DSCAML1: variants seen among roughly 807,000 people sequenced by gnomAD.
DSCAML1 encodes cell adhesion molecule DSCAML1.
In DSCAML1, 38 loss-of-function variants were observed where a neutral mutation model predicts 200.5. That is an observed-to-expected ratio of 0.19 (90% CI 0.15 to 0.25). DSCAML1 has a LOEUF of 0.25. Among genes scored for constraint, DSCAML1 ranks in the 10% least tolerant of loss-of-function variants. The pLI, the probability that DSCAML1 is intolerant of heterozygous loss-of-function variation, is 1.00. For synonymous variants in DSCAML1, 1,215 were observed against 1,165.0 expected (o/e 1.04, Z -0.87); for missense variants, 2,223 against 2,858.8 (o/e 0.78, Z 5.07).
intron 3 of DSCAML1, among the ~76,000 whole-genome samples, chr11:117,679,399 C>A (rs2137690056): frequency 6.6e-6 from 1 of 152,320 alleles, no homozygotes; most frequent in East Asian, 1.9e-4. Flanking sequence ...CTCAGAAGGC[C>A]TGACAGACTG....
intron 3 of DSCAML1, among the ~76,000 whole-genome samples, chr11:117,673,148 C>T (rs768964980): frequency 5.3e-5 from 8 of 152,092 alleles, no homozygotes; most frequent in Non-Finnish European, 1.0e-4. Flanking sequence ...CGCCCTTGGC[C>T]CTTGCTGCCA....
In DSCAML1 at chr11:117,571,325, G is replaced by A. The variant is rs549860469; in HGVS notation, c.512-38803C>T. On this transcript the variant is annotated intron_variant, in intron 3 of 32. Transcript: ENST00000651296. ...GCTGTCACTCTTACCCATCCTAGAG[G>A]TAGGTATTACTGTGCCCATTTCACA... Among the ~76,000 whole-genome samples the A allele has an allele frequency of 3.3e-5, 5 of 152,324 alleles. No individual in the cohort carries two copies. The South Asian group carries it at 1.0e-3, about 32-fold the overall frequency.
intron 20 of DSCAML1, among the ~76,000 whole-genome samples, chr11:117,445,561 C>T (rs2048161522): frequency 1.3e-5 from 2 of 152,346 alleles, no homozygotes; most frequent in South Asian, 4.1e-4. Flanking sequence ...AGCAATACAG[C>T]TCTGCCCAAC....
upstream of DSCAML1, chr11:117,801,260 T>C (rs2055654637): frequency 2.0e-5 from 3 of 152,242 alleles, no homozygotes; most frequent in African/African-American, 7.2e-5. Flanking sequence ...ACCTTGCCTT[T>C]CTGGACCTCA....
intron 3 of DSCAML1, among the ~76,000 whole-genome samples, chr11:117,663,778 G>T (rs956601638): frequency 1.1e-4 from 16 of 152,166 alleles, no homozygotes; most frequent in Non-Finnish European, 1.6e-4. Context: ...GTACAGGGGG[G>T]CTGGGGGAGG....
chr11:117,713,839 G>C (rs2053897654), intron 3 of DSCAML1, among the ~76,000 whole-genome samples: 1 of 152,110 alleles, frequency 6.6e-6, no homozygotes, highest in South Asian at 2.1e-4. Context: ...AATTACCCCA[G>C]CACCCCAGAC....
At chr11:117,429,833 CAG>C (rs1186662937) in intron 32 of DSCAML1, among the ~76,000 whole-genome samples, 1 of 152,230 alleles carries the variant, frequency 6.6e-6, no homozygotes, top group Non-Finnish European at 1.5e-5. Flanking sequence ...ATCCTCACGA[CAG>C]CCCCTAGGAT....
intron 3 of DSCAML1, among the ~76,000 whole-genome samples, chr11:117,632,533 A>G (rs994632816): frequency 6.6e-6 from 1 of 152,124 alleles, no homozygotes; most frequent in African/African-American, 2.4e-5. Context: ...GCAGGCCATA[A>G]AAGGGATTGC....
At chr11:117,816,685 C>T (rs1282989449) in intron 1 of DSCAML1, among the ~76,000 whole-genome samples, 2 of 152,156 alleles carry the variant, frequency 1.3e-5, no homozygotes, top group East Asian at 1.9e-4. Flanking sequence ...CACTCCCACC[C>T]GTCTGTCCAG....
At chr11:117,579,730 G>T (rs528952792) in intron 3 of DSCAML1, among the ~76,000 whole-genome samples, 112 of 152,318 alleles carry the variant, frequency 7.4e-4, no homozygotes, top group African/African-American at 2.6e-3. Flanking sequence ...GACTTCATTT[G>T]TTTTGTTTGC....
chr11:117,720,536 G>A (rs1487753608), intron 3 of DSCAML1, among the ~76,000 whole-genome samples: 2 of 152,162 alleles, frequency 1.3e-5, no homozygotes, highest in East Asian at 1.9e-4. Context: ...CGAATGAAGG[G>A]GGTAAAAACT....
At chr11:117,790,922 T>C (rs1335829090) in intron 1 of DSCAML1, among the ~76,000 whole-genome samples, 1 of 152,184 alleles carries the variant, frequency 6.6e-6, no homozygotes, top group Non-Finnish European at 1.5e-5. Flanking sequence ...ATCAGTTTAA[T>C]GGATATGCAA....
chr11:117,808,566 G>A lies in DSCAML1; in HGVS notation c.-250+8824C>T, dbSNP rs80232844. 5.1e-3 allele frequency among the ~76,000 whole-genome samples: 776 copies of A among 152,302 alleles called. 5 individuals carry two copies. The highest frequency in any genetic ancestry group is 0.017 in the African/African-American group (725 of 41,550). On this transcript the variant is annotated intron_variant, in intron 1 of 2. Coordinates refer to the DSCAML1 transcript ENST00000525836. ...ACAGAATCCGGGATCTGTATTTTCTGTTTCCCAGTATTTGGATGTAAGAAG... is the reference window on the plus strand; with the variant it reads ...ACAGAATCCGGGATCTGTATTTTCTATTTCCCAGTATTTGGATGTAAGAAG...
upstream of DSCAML1, among the ~76,000 whole-genome samples, chr11:117,800,597 T>C (rs1169810640): frequency 6.6e-6 from 1 of 152,266 alleles, no homozygotes; most frequent in Non-Finnish European, 1.5e-5. Context: ...GTGGGATTCC[T>C]TTCTAGTAGG....
chr11:117,587,000 C>T (rs2051157259), intron 3 of DSCAML1, among the ~76,000 whole-genome samples: 1 of 152,200 alleles, frequency 6.6e-6, no homozygotes, highest in African/African-American at 2.4e-5. Flanking sequence ...CTGATCCTGT[C>T]CTCAAGGACA....
At chr11:117,525,201 C>T in intron 4 of DSCAML1, 118 bp from the exon 5 acceptor site, 1 of 1,279,598 alleles carries the variant, frequency 7.8e-7, no homozygotes, top group Non-Finnish European at 1.0e-6. Context: ...CCACAGCGAG[C>T]AGTTTCCAGG....
intron 3 of DSCAML1, among the ~76,000 whole-genome samples, chr11:117,692,166 T>G (rs1040492843): frequency 7.9e-5 from 12 of 152,092 alleles, no homozygotes; most frequent in Non-Finnish European, 1.8e-4. Context: ...GATGCAGTCC[T>G]TGGGCACAGT....
chr11:117,558,742 G>A (rs2050604362), intron 3 of DSCAML1, among the ~76,000 whole-genome samples: 1 of 152,196 alleles, frequency 6.6e-6, no homozygotes, highest in African/African-American at 2.4e-5. Context: ...GCCCTTTTAA[G>A]GGCTTACAAC....
At chr11:117,773,579 T>C (rs1044563255) in intron 3 of DSCAML1, among the ~76,000 whole-genome samples, 14 of 147,342 alleles carry the variant, frequency 9.5e-5, no homozygotes, top group African/African-American at 3.3e-4. Context: ...GCACACACAC[T>C]GGGCATAGTG....
Sources: allele counts gnomAD v4.1 joint callset (sites outside exome capture counted in the v4.1 genomes callset), GRCh38; gene constraint gnomAD v4.1.1; transcripts MANE v1.5; gene names NCBI Gene and HGNC (gene_info 2026-07-23, HGNC 2026-07-21).